REDIC1: variants seen among roughly 807,000 people sequenced by gnomAD.
REDIC1 encodes regulator of DNA class I crossover intermediates 1, also known as HEI10 Interacting Protein 1.
At chr12:39,815,228 A>G in the REDIC1 span, among the ~76,000 whole-genome samples, 4 of 152,366 alleles carry the variant, frequency 2.6e-5, no homozygotes, top group East Asian at 7.7e-4. Flanking sequence ...AACTTCCTGA[A>G]TCCCATATGC....
At chr12:39,854,935 G>C in the REDIC1 span, among the ~76,000 whole-genome samples, 2 of 152,188 alleles carry the variant, frequency 1.3e-5, no homozygotes, top group Non-Finnish European at 2.9e-5. Flanking sequence ...TCCCTCCTCT[G>C]TGACGGGTCC....
the REDIC1 span, chr12:39,864,921 A>T: frequency 1.9e-6 from 3 of 1,580,778 alleles, no homozygotes; most frequent in African/African-American, 1.4e-5. Context: ...AAGAGTTGAC[A>T]ATATTGTTTT....
At chr12:39,672,106 G>A in the REDIC1 span, among the ~76,000 whole-genome samples, 1 of 152,224 alleles carries the variant, frequency 6.6e-6, no homozygotes, top group Non-Finnish European at 1.5e-5. Context: ...AGGTGGTGTG[G>A]GGCTGTTATT....
the REDIC1 span, among the ~76,000 whole-genome samples, chr12:39,638,494 C>T: frequency 3.0e-4 from 45 of 152,034 alleles, no homozygotes; most frequent in Non-Finnish European, 2.5e-4. Context: ...CTCAGCAGAT[C>T]TGTTTGGCTA....
chr12:39,857,161 G>C, the REDIC1 span, among the ~76,000 whole-genome samples: 1 of 152,118 alleles, frequency 6.6e-6, no homozygotes, highest in African/African-American at 2.4e-5. Context: ...TGTTATTTCA[G>C]ACCTAAATGG....
chr12:39,759,885 T>A, the REDIC1 span: 3 of 618,026 alleles, frequency 4.9e-6, no homozygotes, highest in East Asian at 8.3e-5. Context: ...ATCTTCCTCC[T>A]AATCAAGTAT....
the REDIC1 span, among the ~76,000 whole-genome samples, chr12:39,732,060 T>C: frequency 6.6e-6 from 1 of 152,174 alleles, no homozygotes; most frequent in African/African-American, 2.4e-5. Flanking sequence ...TCTTGACTTT[T>C]ATGGTAACCA....
chr12:39,634,353 CT>C, the REDIC1 span, among the ~76,000 whole-genome samples: 1 of 152,038 alleles, frequency 6.6e-6, no homozygotes, highest in Non-Finnish European at 1.5e-5. Context: ...GGGTTTTCAG[CT>C]GGAGGCATCA....
chr12:39,696,020 C>A, the REDIC1 span, among the ~76,000 whole-genome samples: 1 of 152,142 alleles, frequency 6.6e-6, no homozygotes, highest in African/African-American at 2.4e-5. Flanking sequence ...GTCTACAAGT[C>A]TGCAAGAACC....
chr12:39,721,116 A>G, the REDIC1 span: 2 of 1,613,810 alleles, frequency 1.2e-6, no homozygotes, highest in Non-Finnish European at 1.7e-6. Context: ...AGGAAAAATT[A>G]GATGTTGCCA....
chr12:39,723,421 T>G, the REDIC1 span, among the ~76,000 whole-genome samples: 1 of 152,000 alleles, frequency 6.6e-6, no homozygotes, highest in Admixed American at 6.6e-5. Context: ...GATAAATATA[T>G]TCAGAGTGGA....
the REDIC1 span, among the ~76,000 whole-genome samples, chr12:39,665,232 C>T: frequency 1.3e-5 from 2 of 152,112 alleles, no homozygotes; most frequent in African/African-American, 4.8e-5. Flanking sequence ...TTTAATCCAT[C>T]TTGAATTAGT....
At chr12:39,629,238 G>A in the REDIC1 span, among the ~76,000 whole-genome samples, 1 of 152,246 alleles carries the variant, frequency 6.6e-6, no homozygotes, top group East Asian at 1.9e-4. Flanking sequence ...AAGATGAGTT[G>A]GAAGGGAAGG....
chr12:39,712,294 A>G, the REDIC1 span, among the ~76,000 whole-genome samples: 1 of 96,682 alleles, frequency 1.0e-5, no homozygotes, highest in African/African-American at 3.4e-5. Flanking sequence ...ACCTGTATGT[A>G]TATATACATA....
At chr12:39,696,035 C>T in the REDIC1 span, among the ~76,000 whole-genome samples, 17 of 152,146 alleles carry the variant, frequency 1.1e-4, no homozygotes, top group East Asian at 3.3e-3. Context: ...AGAACCACAG[C>T]ATTACTGGGC....
the REDIC1 span, among the ~76,000 whole-genome samples, chr12:39,896,251 T>C: frequency 2.0e-5 from 2 of 97,714 alleles, no homozygotes. Context: ...TATGTATACA[T>C]GTATGTATAT....
At chr12:39,656,045 A>G in the REDIC1 span, among the ~76,000 whole-genome samples, 1 of 152,034 alleles carries the variant, frequency 6.6e-6, no homozygotes, top group Admixed American at 6.6e-5. Context: ...CCCACCTGTC[A>G]CAATATGTTA....
chr12:39,805,990 T>C, the REDIC1 span, among the ~76,000 whole-genome samples: 1 of 152,186 alleles, frequency 6.6e-6, no homozygotes, highest in African/African-American at 2.4e-5. Flanking sequence ...CAATAGCAGA[T>C]TCCCTGCAAT....
At chr12:39,905,411 G>A in the REDIC1 span, among the ~76,000 whole-genome samples, 1 of 152,130 alleles carries the variant, frequency 6.6e-6, no homozygotes, top group East Asian at 1.9e-4. Flanking sequence ...GGCTGCAGAT[G>A]ACTAGCTGAA....
Sources: gnomAD v4.1 joint callset for allele counts (sites outside exome capture counted in the v4.1 genomes callset) on GRCh38, gnomAD v4.1.1 for gene constraint, MANE v1.5 for transcripts, NCBI Gene and HGNC (gene_info 2026-07-23, HGNC 2026-07-21) for gene names.